Variants in GOLPH3L observed in about 807,000 individuals in gnomAD.
The protein encoded by GOLPH3L is golgi phosphoprotein 3 like.
In GOLPH3L, 22 loss-of-function variants were observed where a neutral mutation model predicts 30.3. The ratio of observed to expected loss-of-function variants is 0.73; its 90% CI spans 0.52 to 1.04. The LOEUF (loss-of-function observed/expected upper bound fraction) is 1.04, where lower values mean the gene tolerates loss of function less well. Ranked by LOEUF, GOLPH3L falls within the 50% of genes least tolerant of loss-of-function variation. The pLI is 0.00. For missense variants in GOLPH3L, 303 were observed against 345.8 expected (o/e 0.88, Z 0.98); for synonymous variants, 120 against 128.2 (o/e 0.94, Z 0.43).
intron 3 of GOLPH3L, among the ~76,000 whole-genome samples, chr1:150,662,385 TAAAC>T (rs1431427993): frequency 4.6e-5 from 7 of 151,812 alleles, no homozygotes; most frequent in East Asian, 1.9e-4. Context: ...AATAAATAAA[TAAAC>T]AAAGGCAGGA....
chr1:150,690,853 C>T (rs587612805), intron 2 of GOLPH3L, among the ~76,000 whole-genome samples: 3 of 152,268 alleles, frequency 2.0e-5, no homozygotes, highest in African/African-American at 7.2e-5. Flanking sequence ...ATGGTTTCTC[C>T]TCTCTCTAAC....
At chr1:150,690,852 C>T (rs1295680220) in intron 2 of GOLPH3L, among the ~76,000 whole-genome samples, 1 of 152,186 alleles carries the variant, frequency 6.6e-6, no homozygotes, top group Non-Finnish European at 1.5e-5. Context: ...GATGGTTTCT[C>T]CTCTCTCTAA....
intron 2 of GOLPH3L, among the ~76,000 whole-genome samples, chr1:150,679,881 G>C (rs1480992743): frequency 1.3e-5 from 2 of 152,128 alleles, no homozygotes; most frequent in Non-Finnish European, 2.9e-5. Context: ...GAAGCAGGCA[G>C]ATCACTTGAG....
In GOLPH3L at chr1:150,678,900, G is replaced by A. The variant is rs115590362; in HGVS notation, c.184-15137C>T. On this transcript the variant is annotated intron_variant, in intron 2 of 4. Transcript: ENST00000271732. The stretch of plus-strand genomic sequence containing the variant: ...TGGGAGGCAGAGGTTGCAGTGAGCC[G>A]AGAGCCAAGATCCAGCCTGGCGAGG... 5.9e-3 allele frequency among the ~76,000 whole-genome samples: 900 copies of A among 152,270 alleles called. 15 individuals are homozygous for A. Among genetic ancestry groups the A allele is most frequent in the African/African-American group, 0.02 (836 of 41,556 alleles).
rs897976420 is a variant in GOLPH3L at position 150,696,972 on chromosome 1, GT to G, written c.-13+19del. Reference sequence around the variant, plus strand: ...GTGGGGGGAAGGGACGTTAGGAAATGTAATTTTCTCGTTGCTTACCTGATGT... The same window carrying G: ...GTGGGGGGAAGGGACGTTAGGAAATGAATTTTCTCGTTGCTTACCTGATGT... On this transcript the variant is annotated intron_variant, in intron 1 of 4. Coordinates refer to ENST00000271732, the MANE Select transcript of GOLPH3L (RefSeq NM_018178.6). 3.9e-5 allele frequency: 6 copies of G among 152,064 alleles called. No individual in the cohort carries two copies. Among genetic ancestry groups the G allele is most frequent in the African/African-American group, 1.2e-4 (5 of 41,374 alleles). The allele number at this position is 152,064 out of a possible 1,614,324, so 9.4% of individuals were successfully genotyped here. A position where few individuals can be genotyped will look rare whatever the true frequency, so the allele number is the denominator to read the frequency against.
rs147745444 is a variant in GOLPH3L at position 150,665,742 on chromosome 1, C to T, written c.184-1979G>A. On this transcript the variant is annotated intron_variant, in intron 2 of 4. Coordinates refer to ENST00000271732, the MANE Select transcript of GOLPH3L (RefSeq NM_018178.6). ...TACAGGTAGCACTTGTTTAGATTTA[C>T]ACAGGTGCTTACGAATTTCTTTGCT... 3.9e-5 allele frequency among the ~76,000 whole-genome samples: 6 copies of T among 152,078 alleles called. No homozygotes were observed. In the East Asian group the frequency reaches 1.2e-3, roughly 29 times the overall value.
intron 2 of GOLPH3L, among the ~76,000 whole-genome samples, chr1:150,678,875 T>C (rs975984324): frequency 2.6e-5 from 4 of 152,048 alleles, no homozygotes; most frequent in Non-Finnish European, 5.9e-5. Context: ...TGCTTGAACC[T>C]GGGAGGCAGA....
intron 2 of GOLPH3L, among the ~76,000 whole-genome samples, chr1:150,673,407 C>A (rs1650689303): frequency 1.3e-5 from 2 of 151,722 alleles, no homozygotes; most frequent in African/African-American, 4.8e-5. Context: ...ACTAAAAACA[C>A]AAAAAATTAG....
At chr1:150,691,702 T>C (rs77218386) in intron 2 of GOLPH3L, among the ~76,000 whole-genome samples, 1 of 152,274 alleles carries the variant, frequency 6.6e-6, no homozygotes, top group East Asian at 1.9e-4. Context: ...CTTGATTTTG[T>C]TTATAATTGT....
At chr1:150,684,389 C>T (rs1651035716) in intron 2 of GOLPH3L, among the ~76,000 whole-genome samples, 1 of 152,190 alleles carries the variant, frequency 6.6e-6, no homozygotes, top group Admixed American at 6.6e-5. Flanking sequence ...ACTATGTTGC[C>T]TAGGCTCGTT....
chr1:150,662,718 GATA>G (rs377270885), intron 3 of GOLPH3L, among the ~76,000 whole-genome samples: 14 of 152,142 alleles, frequency 9.2e-5, no homozygotes, highest in African/African-American at 3.4e-4. Context: ...AAGAGAATAA[GATA>G]ATAACAAAGG....
chr1:150,654,052 C>G (rs1007457889), intron 4 of GOLPH3L, among the ~76,000 whole-genome samples: 1 of 151,598 alleles, frequency 6.6e-6, no homozygotes, highest in African/African-American at 2.4e-5. Context: ...TGTGAGCCAC[C>G]GCACCCAGCC....
chr1:150,665,933 A>G (rs1013999650), intron 2 of GOLPH3L, among the ~76,000 whole-genome samples: 3 of 152,174 alleles, frequency 2.0e-5, no homozygotes, highest in African/African-American at 7.2e-5. Context: ...TCTGGACATA[A>G]AATTCCAGGT....
chr1:150,671,608 C>T (rs1182306215), intron 2 of GOLPH3L, among the ~76,000 whole-genome samples: 2 of 151,998 alleles, frequency 1.3e-5, no homozygotes, highest in Non-Finnish European at 2.9e-5. Context: ...GAGTTTGAGA[C>T]CAGCCTGGCC....
At chr1:150,687,068 C>T (rs908654962) in intron 2 of GOLPH3L, among the ~76,000 whole-genome samples, 2 of 151,874 alleles carry the variant, frequency 1.3e-5, no homozygotes, top group Non-Finnish European at 1.5e-5. Flanking sequence ...TCATTTTGCG[C>T]GATTAGGAAA....
chr1:150,678,284 CAAA>C lies in GOLPH3L; in HGVS notation c.184-14524_184-14522del, dbSNP rs75131824. On this transcript the variant is annotated intron_variant, in intron 2 of 4. Coordinates refer to ENST00000271732, the MANE Select transcript of GOLPH3L (RefSeq NM_018178.6). ...GGGCAACAAGATCGAAACTCCGTCT[CAAA>C]AAAAAAAAAAAAAAAAAAAAGGACA... is the stretch of plus-strand genomic sequence containing the variant. 2.2e-4 allele frequency among the ~76,000 whole-genome samples: 10 copies of C among 45,934 alleles called. No individual in the cohort carries two copies. The South Asian group carries it at 0.01, about 47-fold the overall frequency. The allele number at this position is 45,934 out of a possible 152,430, so 30.1% of individuals were successfully genotyped here.
At chr1:150,694,229 C>T (rs1185191963) in intron 2 of GOLPH3L, 2 of 393,088 alleles carry the variant, frequency 5.1e-6, no homozygotes, top group South Asian at 3.8e-5. Context: ...AGAAACCTAC[C>T]AATTGTTTAT....
At position 150,678,284 on chromosome 1, in the gene GOLPH3L, C is replaced by CAAAAAAAAAA. The variant is rs75131824; in HGVS notation, c.184-14531_184-14522dup. On this transcript the variant is annotated intron_variant, in intron 2 of 4. Transcript: ENST00000271732. ...GGGCAACAAGATCGAAACTCCGTCT[C>CAAAAAAAAAA]AAAAAAAAAAAAAAAAAAAAAAAGG... Among the ~76,000 whole-genome samples the CAAAAAAAAAA allele has an allele frequency of 1.7e-3, 78 of 45,896 alleles. 2 individuals carry two copies. Among genetic ancestry groups the CAAAAAAAAAA allele is most frequent in the Non-Finnish European group, 1.9e-3 (47 of 24,418 alleles). The allele number at this position is 45,896 out of a possible 152,430, so 30.1% of individuals were successfully genotyped here.
intron 2 of GOLPH3L, among the ~76,000 whole-genome samples, chr1:150,677,766 C>G (rs995873419): frequency 6.6e-6 from 1 of 151,578 alleles, no homozygotes; most frequent in Admixed American, 6.6e-5. Context: ...GATGGAACTA[C>G]GGGCACATGC....
Sources: allele counts gnomAD v4.1 joint callset (sites outside exome capture counted in the v4.1 genomes callset), GRCh38; gene constraint gnomAD v4.1.1; transcripts MANE v1.5; gene names NCBI Gene and HGNC (gene_info 2026-07-23, HGNC 2026-07-21).